The following FYN variants were observed in gnomAD, a reference collection of about 807,000 sequenced individuals.
The protein encoded by FYN is tyrosine-protein kinase Fyn.
In FYN, 10 loss-of-function variants were observed where a neutral mutation model predicts 70.2. The observed-to-expected ratio is 0.14, with a 90% CI of 0.09 to 0.24. FYN has a LOEUF of 0.24. FYN is among the 10% of genes least tolerant of loss of function. The pLI, the probability that FYN is intolerant of heterozygous loss-of-function variation, is 1.00. For missense variants in FYN, 319 were observed against 673.1 expected (o/e 0.47, Z 5.82); for synonymous variants, 236 against 248.6 (o/e 0.95, Z 0.48).
chr6:111,713,064 A>G (rs1800461914), intron 5 of FYN, among the ~76,000 whole-genome samples: 1 of 152,106 alleles, frequency 6.6e-6, no homozygotes, highest in African/African-American at 2.4e-5. Context: ...CAATCCTAAT[A>G]TATGTTTGAA....
chr6:111,828,042 G>A (rs979358521), intron 2 of FYN, among the ~76,000 whole-genome samples: 1 of 152,184 alleles, frequency 6.6e-6, no homozygotes, highest in African/African-American at 2.4e-5. Context: ...TGTTGTTCTA[G>A]AGTAGCGGAG....
chr6:111,706,305 T>C (rs56376432), intron 6 of FYN, among the ~76,000 whole-genome samples: 8,104 of 152,288 alleles, frequency 0.053, 295 homozygotes, highest in Middle Eastern at 0.099. Flanking sequence ...TTTTAGAATA[T>C]TTAACTGTGA....
At chr6:111,716,845 C>G (rs1800670866) in intron 4 of FYN, among the ~76,000 whole-genome samples, 1 of 148,640 alleles carries the variant, frequency 6.7e-6, no homozygotes, top group Admixed American at 6.7e-5. Flanking sequence ...AGTGCAGTGG[C>G]ATAATCTCAG....
intron 3 of FYN, among the ~76,000 whole-genome samples, chr6:111,746,865 G>A (rs1425233466): frequency 2.0e-5 from 3 of 151,994 alleles, no homozygotes; most frequent in Admixed American, 1.3e-4. Context: ...GGAAGAGAGA[G>A]AGAGAATGAG....
intron 3 of FYN, among the ~76,000 whole-genome samples, chr6:111,724,870 A>G (rs558435256): frequency 7.9e-5 from 12 of 152,218 alleles, no homozygotes; most frequent in Non-Finnish European, 1.8e-4. Context: ...TAATGGAAGT[A>G]TAAGAACAAG....
At chr6:111,824,386 A>G (rs1054945384) in intron 2 of FYN, among the ~76,000 whole-genome samples, 10 of 152,182 alleles carry the variant, frequency 6.6e-5, no homozygotes, top group African/African-American at 2.4e-4. Context: ...AGGCATGTGG[A>G]AAAAGAACTC....
At chr6:111,786,692 G>A (rs1397020389) in intron 2 of FYN, among the ~76,000 whole-genome samples, 1 of 152,190 alleles carries the variant, frequency 6.6e-6, no homozygotes, top group African/African-American at 2.4e-5. Flanking sequence ...CAGTGTAAAA[G>A]TGTTCCTATT....
intron 8 of FYN, 101 bp downstream of exon 8, chr6:111,702,784 T>C: frequency 8.5e-7 from 1 of 1,173,812 alleles, no homozygotes. Flanking sequence ...CTATAAGTGA[T>C]TTTGTACATA....
chr6:111,834,577 T>C (rs2114427661), intron 2 of FYN, among the ~76,000 whole-genome samples: 1 of 152,286 alleles, frequency 6.6e-6, no homozygotes, highest in South Asian at 2.1e-4. Context: ...CTACTGCTGA[T>C]GGGAAGGTGA....
intron 3 of FYN, among the ~76,000 whole-genome samples, chr6:111,730,871 G>A (rs1488788301): frequency 1.3e-5 from 2 of 152,084 alleles, no homozygotes; most frequent in Admixed American, 6.6e-5. Flanking sequence ...AAACAAAAAC[G>A]TGGGCTTCTA....
At chr6:111,789,404 T>A (rs754626290) in intron 2 of FYN, among the ~76,000 whole-genome samples, 1 of 152,082 alleles carries the variant, frequency 6.6e-6, no homozygotes, top group East Asian at 1.9e-4. Flanking sequence ...CCATCTCCAA[T>A]CCCCATCAAC....
chr6:111,846,803 C>T (rs1034539866), intron 1 of FYN, among the ~76,000 whole-genome samples, 174 bp from the exon 2 acceptor site: 31 of 152,314 alleles, frequency 2.0e-4, no homozygotes, highest in African/African-American at 7.2e-4. Context: ...CCACAAACAC[C>T]TGTCTGAAAC....
At chr6:111,700,016 C>T (rs1157084489) in intron 9 of FYN, 88 bp downstream of exon 9, 25 of 1,221,788 alleles carry the variant, frequency 2.0e-5, no homozygotes, top group South Asian at 9.3e-5. Flanking sequence ...TTCCCGGTCA[C>T]GCAGTCTTTA....
chr6:111,839,843 T>A (rs1339973186), intron 2 of FYN, among the ~76,000 whole-genome samples: 5 of 151,974 alleles, frequency 3.3e-5, no homozygotes, highest in Non-Finnish European at 7.4e-5. Context: ...AAGCGGAAGG[T>A]GTGGGCTAGT....
At chr6:111,842,927 C>T (rs954507633) in intron 2 of FYN, among the ~76,000 whole-genome samples, 1 of 152,238 alleles carries the variant, frequency 6.6e-6, no homozygotes, top group South Asian at 2.1e-4. Flanking sequence ...AAAGAACTCA[C>T]TCACTCAGAG....
At chr6:111,703,936 C>G in intron 7 of FYN, 63 bp downstream of exon 7, 2 of 1,267,868 alleles carry the variant, frequency 1.6e-6, no homozygotes, top group Non-Finnish European at 2.3e-6. Flanking sequence ...ATAAGCCTTT[C>G]ATCCCCTCTG....
intron 8 of FYN, among the ~76,000 whole-genome samples, chr6:111,701,638 C>T (rs566491591): frequency 1.4e-4 from 21 of 152,164 alleles, no homozygotes; most frequent in Admixed American, 1.4e-3. Flanking sequence ...TATTAAGGTG[C>T]CCTTTCGAAC....
At chr6:111,701,764 T>A (rs1473120752) in intron 8 of FYN, among the ~76,000 whole-genome samples, 1 of 152,204 alleles carries the variant, frequency 6.6e-6, no homozygotes, top group Non-Finnish European at 1.5e-5. Context: ...GTATATCACT[T>A]AAGCTCAGGG....
At chr6:111,732,736 C>T (rs1486812133) in intron 3 of FYN, among the ~76,000 whole-genome samples, 2 of 152,192 alleles carry the variant, frequency 1.3e-5, no homozygotes, top group Admixed American at 6.5e-5. Flanking sequence ...TGGTCGTCCT[C>T]CACTTTCCTT....
Sources: allele counts gnomAD v4.1 joint callset (sites outside exome capture counted in the v4.1 genomes callset), GRCh38; gene constraint gnomAD v4.1.1; transcripts MANE v1.5; gene names NCBI Gene and HGNC (gene_info 2026-07-23, HGNC 2026-07-21).